NOL8: variants seen among roughly 807,000 people sequenced by gnomAD.
NOL8 encodes the protein nucleolar protein 8.
NOL8 carries 93 observed loss-of-function variants against 116.1 expected under a neutral mutation model. The observed-to-expected ratio is 0.80, with a 90% CI of 0.68 to 0.95. The LOEUF is 0.95. Among genes scored for constraint, NOL8 ranks in the 40% least tolerant of loss-of-function variants. The probability of loss-of-function intolerance (pLI) is 0.00; values close to 1 mark genes in which losing one functional copy is unlikely to be tolerated. For missense variants in NOL8, 1,291 were observed against 1,382.8 expected (o/e 0.93, Z 1.05); for synonymous variants, 419 against 469.0 (o/e 0.89, Z 1.38).
In NOL8 at chr9:92,321,740, G is replaced by C. The variant is rs1839946249; in HGVS notation, c.209C>G (p.Ser70Cys). Residue 70 changes from serine to cysteine, a missense_variant, in exon 4 of 17, where the codon TCT (serine) becomes TGT (cysteine). Ser to Cys is a moderately radical substitution (Grantham distance 112). Transcript: ENST00000442668. ...VAEADLKKCM[S>C]VLNKTKWKGG... is the part of the protein sequence containing the mutation. ...TTTCCATTTTGTTTTATTTAAAACA[G>C]ACATACCTATAAAGTAAAGAATTAT... 1.4e-6 allele frequency: 2 copies of C among 1,404,372 alleles called. No individual in the cohort carries two copies. Among genetic ancestry groups the C allele is most frequent in the Non-Finnish European group, 1.9e-6 (2 of 1,033,140 alleles). 87.0% of individuals were successfully genotyped at this position (1,404,372 alleles called of 1,614,324 possible). A position where few individuals can be genotyped will look rare whatever the true frequency, so the allele number is the denominator to read the frequency against.
At chr9:92,314,226 T>G (rs745664051) in intron 7 of NOL8, 41 bp downstream of exon 7, 1 of 1,504,736 alleles carries the variant, frequency 6.6e-7, no homozygotes, top group Non-Finnish European at 8.9e-7. Context: ...AGCTGAACTT[T>G]CTGAGTTCTT....
chr9:92,321,234 T>C (rs7872423), intron 4 of NOL8, among the ~76,000 whole-genome samples: 10,052 of 152,274 alleles, frequency 0.066, 480 homozygotes, highest in African/African-American at 0.13. Flanking sequence ...ACATAGGATA[T>C]GTGCTCCAGG....
chr9:92,319,803 C>A, intron 4 of NOL8: 1 of 326,682 alleles, frequency 3.1e-6, no homozygotes, highest in Non-Finnish European at 6.0e-6. Flanking sequence ...TCCCTTACCA[C>A]CAGCAACTGA....
chr9:92,300,511 C>G, intron 13 of NOL8: 1 of 990,744 alleles, frequency 1.0e-6, no homozygotes, highest in Non-Finnish European at 1.2e-6. Context: ...CCTCACAAGT[C>G]TTCAAAATTT....
chr9:92,298,143 G>C (rs1489179090), intron 16 of NOL8, 114 bp downstream of exon 16: 3 of 776,088 alleles, frequency 3.9e-6, no homozygotes, highest in Non-Finnish European at 6.2e-6. Context: ...TCACTCAATT[G>C]AGCCAGTCTG....
Position 92,315,312 on chromosome 9 carries a change from A to T in NOL8, c.1313T>A (p.Leu438His). 1 of 1,613,936 alleles carries T rather than the reference A, an allele frequency of 6.2e-7. No individual in the cohort carries two copies. The highest frequency in any genetic ancestry group is 1.3e-5 in the African/African-American group (1 of 75,058). ...QKRKSNVESA[L>H]SHGLKSLNRK... ...ATTAAGAGACTTTAATCCATGACTG[A>T]GGGCTGACTCTACATTGCTTTTTCT... is the stretch of plus-strand genomic sequence containing the variant. The change falls in exon 7 of 17, where the codon CTC becomes CAC. Residue 438 changes from leucine (L) to histidine (H), a missense_variant. Leu to His is a moderately conservative substitution (Grantham distance 99, BLOSUM62 -3). Coordinates refer to ENST00000442668, the MANE Select transcript of NOL8 (RefSeq NM_017948.6).
Position 92,315,810 on chromosome 9 carries a change from A to G in NOL8, c.815T>C (p.Val272Ala), listed in dbSNP as rs181943347. 204 of 1,613,942 alleles carry G rather than the reference A, an allele frequency of 1.3e-4. 2 individuals carry two copies. In the African/African-American group the frequency reaches 2.3e-3, roughly 18 times the overall value. Residue 272 changes from valine to alanine, a missense_variant, in exon 7 of 17, where the codon GTT (valine) becomes GCT (alanine). Physicochemically the swap from Val to Ala is moderately conservative, Grantham distance 64. Coordinates refer to ENST00000442668, the MANE Select transcript of NOL8 (RefSeq NM_017948.6). ...ITPSKSSPVP[V>A]SDTQKLKNLP... is the part of the protein sequence containing the mutation. Reference sequence around the variant, plus strand: ...ATTTTTAAGTTTCTGAGTATCAGAAACAGGTACAGGAGATGATTTAGAAGG... The same window carrying G: ...ATTTTTAAGTTTCTGAGTATCAGAAGCAGGTACAGGAGATGATTTAGAAGG...
intron 16 of NOL8, 103 bp from the exon 17 acceptor site, chr9:92,297,989 CCT>C: frequency 9.7e-7 from 1 of 1,032,154 alleles, no homozygotes; most frequent in Non-Finnish European, 1.4e-6. Flanking sequence ...GCTGTGGAAA[CCT>C]ATTTTGAAAG....
rs751907575 is a variant in NOL8, at chr9:92,316,031, C to T, written c.594G>A (p.Gly198=). 11 of 1,613,812 alleles carry T rather than the reference C, an allele frequency of 6.8e-6. No homozygotes were observed. Among genetic ancestry groups the T allele is most frequent in the South Asian group, 1.1e-5 (1 of 91,074 alleles). Residue 198 remains glycine (G), a synonymous_variant, in exon 7 of 17, where the codon GGG becomes GGA. Transcript: ENST00000442668. ...GCCGTTTCTTACTCATAGGGTCATT[C>T]CCTCCTTCTAATTCCCAAGTCAGGC... The part of the protein sequence containing the change: ...ISSLTWELEG[G]NDPMSKKRRG...
chr9:92,312,498 G>C (rs1030017286), intron 7 of NOL8, among the ~76,000 whole-genome samples: 10 of 148,768 alleles, frequency 6.7e-5, no homozygotes, highest in African/African-American at 2.2e-4. Context: ...GGGTCTACTT[G>C]AGGGTGGAGG....
rs1837489601 is a variant in NOL8 at position 92,299,011 on chromosome 9, A to G, written c.3303-57T>C. On this transcript the variant is annotated intron_variant, in intron 14 of 16. Transcript: ENST00000442668. ...ATAGGTATTGGTTGGTTTAATTTCA[A>G]TATTTAAGAAGAAATATTTACATTC... 4.2e-5 allele frequency: 35 copies of G among 838,588 alleles called. 1 individual carries two copies. The South Asian group carries it at 7.6e-4, about 18-fold the overall frequency. The allele number at this position is 838,588 out of a possible 1,614,324, so 51.9% of individuals were successfully genotyped here.
Position 92,324,170 on chromosome 9 carries a change from G to A in NOL8, c.-9C>T. 5 of 1,612,052 alleles carry A rather than the reference G, an allele frequency of 3.1e-6. No homozygotes were observed. The highest frequency in any genetic ancestry group is 4.2e-6 in the Non-Finnish European group (5 of 1,178,764). On this transcript the variant is annotated 5_prime_UTR_variant, in exon 2 of 17. Coordinates refer to ENST00000442668, the MANE Select transcript of NOL8 (RefSeq NM_017948.6). ...TCTCTGTTCACTTTCATGAAGGCTGGGCATATACTTGGGTGTGTTTCAGTG... is the reference window on the plus strand; with the variant it reads ...TCTCTGTTCACTTTCATGAAGGCTGAGCATATACTTGGGTGTGTTTCAGTG...
intron 6 of NOL8, 103 bp from the exon 7 acceptor site, chr9:92,316,241 C>A (rs1839399956): frequency 8.0e-7 from 1 of 1,253,554 alleles, no homozygotes; most frequent in African/African-American, 1.5e-5. Flanking sequence ...TCATTTCCCC[C>A]CCCTTTCAGT....
intron 4 of NOL8, chr9:92,320,071 C>T (rs1413128734): frequency 2.2e-6 from 1 of 456,106 alleles, no homozygotes; most frequent in Non-Finnish European, 4.4e-6. Context: ...TCTCTCCATT[C>T]ACTCTTCCCC....
At position 92,316,063 on chromosome 9, in the gene NOL8, T is replaced by A; in HGVS notation, c.562A>T (p.Ile188Leu). 6.2e-7 allele frequency: 1 copy of A among 1,613,968 alleles called. No homozygotes were observed. The change falls in exon 7 of 17, where the codon ATA (isoleucine) becomes TTA (leucine). Residue 188 changes from isoleucine (I) to leucine (L), a missense_variant. Transcript: ENST00000442668. ...IGEDFSNTIP[I>L]SSLTWELEGG... ...TCTAATTCCCAAGTCAGGCTGGATATAGGAATGGTGTTTGAGAAATCCTCC... is the reference window on the plus strand; with the variant it reads ...TCTAATTCCCAAGTCAGGCTGGATAAAGGAATGGTGTTTGAGAAATCCTCC...
intron 3 of NOL8, chr9:92,323,174 T>G: frequency 1.5e-6 from 1 of 664,800 alleles, no homozygotes; most frequent in Non-Finnish European, 2.3e-6. Context: ...AACAGGCAGT[T>G]TCTATGAAAG....
At chr9:92,310,108 T>C in intron 10 of NOL8, 63 bp downstream of exon 10, 5 of 1,128,486 alleles carry the variant, frequency 4.4e-6, no homozygotes, top group Middle Eastern at 1.9e-4. Context: ...AAAGGAGGTA[T>C]ACTAGGTGAT....
Position 92,316,198 on chromosome 9 carries a change from T to C in NOL8, c.487-60A>G, listed in dbSNP as rs779165434. On this transcript the variant is annotated intron_variant, in intron 6 of 16. Coordinates refer to ENST00000442668, the MANE Select transcript of NOL8 (RefSeq NM_017948.6). ...GGTTTTAGGAAAACTCATCAATCTT[T>C]GATACAAAAAATATTGCTTAATCTC... The C allele has an allele frequency of 5.9e-6, 9 of 1,513,724 alleles. No homozygotes were observed. The African/African-American group carries it at 1.3e-4, about 21-fold the overall frequency. The allele number at this position is 1,513,724 out of a possible 1,614,324, so 93.8% of individuals were successfully genotyped here.
intron 11 of NOL8, 44 bp downstream of exon 11, chr9:92,306,842 G>C (rs773270426): frequency 6.4e-7 from 1 of 1,567,362 alleles, no homozygotes; most frequent in African/African-American, 1.4e-5. Context: ...AGACATTTAT[G>C]GCAAAGGATG....
Sources: allele counts gnomAD v4.1 joint callset (sites outside exome capture counted in the v4.1 genomes callset), GRCh38; gene constraint gnomAD v4.1.1; transcripts MANE v1.5; gene names NCBI Gene and HGNC (gene_info 2026-07-23, HGNC 2026-07-21).